RANBP17: variants seen among roughly 807,000 people sequenced by gnomAD.
The protein encoded by RANBP17 is ran-binding protein 17.
Under a neutral mutation model 141.2 loss-of-function variants are expected in RANBP17, and 158 were observed. That is an observed-to-expected ratio of 1.12 (90% CI 0.98 to 1.28). The LOEUF is 1.28. Among genes scored for constraint, RANBP17 ranks in the 50% most tolerant of loss-of-function variants. The probability of loss-of-function intolerance (pLI) is 0.00; values close to 1 mark genes in which losing one functional copy is unlikely to be tolerated. For missense variants in RANBP17, 1,438 were observed against 1,290.7 expected (o/e 1.11, Z -1.75); for synonymous variants, 430 against 450.0 (o/e 0.96, Z 0.56).
intron 25 of RANBP17, among the ~76,000 whole-genome samples, chr5:171,276,094 A>G (rs1312149806): frequency 6.6e-6 from 1 of 152,216 alleles, no homozygotes. Flanking sequence ...TACAGCTGGC[A>G]CCTGCTACTG....
intron 24 of RANBP17, among the ~76,000 whole-genome samples, chr5:171,262,461 TAATC>T (rs1046089083): frequency 5.9e-5 from 9 of 152,228 alleles, no homozygotes; most frequent in Non-Finnish European, 8.8e-5. Flanking sequence ...AGTTATTGAT[TAATC>T]AATCAAATGC....
chr5:170,921,909 G>T (rs1772497953), intron 11 of RANBP17, among the ~76,000 whole-genome samples: 1 of 152,176 alleles, frequency 6.6e-6, no homozygotes, highest in Non-Finnish European at 1.5e-5. Context: ...AGAAAGAGGT[G>T]CTCTGGTTTT....
intron 14 of RANBP17, among the ~76,000 whole-genome samples, chr5:171,020,130 G>C (rs943843650): frequency 6.6e-6 from 1 of 152,200 alleles, no homozygotes; most frequent in Non-Finnish European, 1.5e-5. Context: ...ACTGTGGCCT[G>C]AGAGACTGTT....
chr5:171,153,368 CT>C (rs892495267), intron 14 of RANBP17, among the ~76,000 whole-genome samples: 1 of 151,952 alleles, frequency 6.6e-6, no homozygotes, highest in African/African-American at 2.4e-5. Context: ...TAGTGGCACT[CT>C]TTTTTTTGTT....
At chr5:171,142,457 G>T (rs946055715) in intron 14 of RANBP17, among the ~76,000 whole-genome samples, 3 of 152,174 alleles carry the variant, frequency 2.0e-5, no homozygotes, top group Non-Finnish European at 4.4e-5. Context: ...GATACAGTCT[G>T]AACCAAGTGT....
chr5:171,190,340 A>G (rs537589747), intron 18 of RANBP17, among the ~76,000 whole-genome samples: 19 of 152,346 alleles, frequency 1.2e-4, no homozygotes, highest in African/African-American at 3.8e-4. Context: ...GTGGTTGGCA[A>G]TAAACAGTTG....
chr5:171,058,256 A>C (rs1451069588), intron 14 of RANBP17, among the ~76,000 whole-genome samples: 2 of 150,162 alleles, frequency 1.3e-5, no homozygotes, highest in Non-Finnish European at 3.0e-5. Flanking sequence ...GGTGTGCTGC[A>C]CCCATTAACT....
chr5:171,025,999 T>A (rs1040483749), intron 14 of RANBP17, among the ~76,000 whole-genome samples: 1 of 152,220 alleles, frequency 6.6e-6, no homozygotes, highest in Admixed American at 6.5e-5. Context: ...AGGCTTTGTG[T>A]CTGTGTTGTT....
rs1268895568 is a variant in RANBP17, at chr5:171,117,422, A to AT, written c.1711-52706dup. Among the ~76,000 whole-genome samples the AT allele has an allele frequency of 5.3e-5, 8 of 152,058 alleles. No individual in the cohort carries two copies. The South Asian group carries it at 1.7e-3, about 32-fold the overall frequency. ...ATTTGCATTTCCCTGATGATTAGTG[A>AT]TTAAATATGTTTGTTGGCCATTTCT... is the stretch of plus-strand genomic sequence containing the variant. On this transcript the variant is annotated intron_variant, in intron 14 of 27. Transcript: ENST00000523189.
At position 171,183,241 on chromosome 5, in the gene RANBP17, T is replaced by C. The variant is rs775440918; in HGVS notation, c.1929+11T>C. 1.9e-6 allele frequency: 3 copies of C among 1,594,664 alleles called. No individual in the cohort carries two copies. The highest frequency in any genetic ancestry group is 2.2e-5 in the South Asian group (2 of 90,612). On this transcript the variant is annotated intron_variant, in intron 17 of 27. Transcript: ENST00000523189. The stretch of plus-strand genomic sequence containing the variant: ...CTAAAAAACCACACGGTAAGTCTTA[T>C]TTCTTTAATTAATGAATAACATTTT...
intron 18 of RANBP17, among the ~76,000 whole-genome samples, chr5:171,186,599 C>CAT (rs1761271280): frequency 9.1e-6 from 1 of 109,776 alleles, no homozygotes; most frequent in South Asian, 3.5e-4. Context: ...TGCAGTGGTG[C>CAT]GATCTCGGCT....
Position 170,911,336 on chromosome 5 carries a change from G to A in RANBP17, c.760+202G>A, listed in dbSNP as rs1771509745. 2.4e-5 allele frequency: 14 copies of A among 577,112 alleles called. No homozygotes were observed. In the South Asian group the frequency reaches 3.0e-4, roughly 12 times the overall value. 35.7% of individuals were successfully genotyped at this position (577,112 alleles called of 1,614,324 possible). On this transcript the variant is annotated intron_variant, in intron 7 of 27. Transcript: ENST00000523189. ...TAGTAACTTCTATATTTTGATTTAGGAAAAAAGAAAAAACAAGGACTGCAC... is the reference window on the plus strand; with the variant it reads ...TAGTAACTTCTATATTTTGATTTAGAAAAAAAGAAAAAACAAGGACTGCAC...
chr5:170,866,591 C>T lies in RANBP17; in HGVS notation c.18+4540C>T, dbSNP rs375635846. Among the ~76,000 whole-genome samples, 64 of 151,926 alleles carry T rather than the reference C, an allele frequency of 4.2e-4. 1 individual carries two copies. The South Asian group carries it at 0.013, about 30-fold the overall frequency. On this transcript the variant is annotated intron_variant, in intron 1 of 27. Transcript: ENST00000523189. Reference sequence around the variant, plus strand: ...TTGGGAAGCTGAGGCAGAAGAATGGCGTTAACCCGGGAGGCGGAGCTTGCA... The same window carrying T: ...TTGGGAAGCTGAGGCAGAAGAATGGTGTTAACCCGGGAGGCGGAGCTTGCA...
At chr5:171,031,010 G>A (rs1166288962) in intron 14 of RANBP17, among the ~76,000 whole-genome samples, 1 of 151,782 alleles carries the variant, frequency 6.6e-6, no homozygotes, top group Non-Finnish European at 1.5e-5. Flanking sequence ...ACACATATGT[G>A]AACTTTAAAC....
At chr5:171,075,448 C>T (rs1784860479) in intron 14 of RANBP17, among the ~76,000 whole-genome samples, 2 of 152,072 alleles carry the variant, frequency 1.3e-5, no homozygotes, top group African/African-American at 2.4e-5. Flanking sequence ...CACAATAACC[C>T]ATGTGTTATA....
At chr5:171,229,105 T>C (rs542712610) in intron 22 of RANBP17, among the ~76,000 whole-genome samples, 1 of 152,260 alleles carries the variant, frequency 6.6e-6, no homozygotes, top group African/African-American at 2.4e-5. Flanking sequence ...AACTAGAGAG[T>C]TAATAAAATA....
Position 171,046,358 on chromosome 5 carries a change from T to C in RANBP17, c.1710+77981T>C, listed in dbSNP as rs146208783. ...CGAGTAGCTGGGACTACAGGCACGC[T>C]CCACCACGTCCAGCTAATTTTTTGT... On this transcript the variant is annotated intron_variant, in intron 14 of 27. Transcript: ENST00000523189. 9.6e-3 allele frequency among the ~76,000 whole-genome samples: 1,458 copies of C among 151,642 alleles called. 18 individuals carry two copies. The highest frequency in any genetic ancestry group is 0.033 in the African/African-American group (1,345 of 41,352).
At chr5:171,187,443 T>TAAAA (rs543248889) in intron 18 of RANBP17, among the ~76,000 whole-genome samples, 29 of 142,994 alleles carry the variant, frequency 2.0e-4, no homozygotes, top group African/African-American at 7.1e-4. Context: ...TTAATTTGTT[T>TAAAA]AAAAAAAAAA....
intron 16 of RANBP17, among the ~76,000 whole-genome samples, chr5:171,182,567 A>G (rs1760931600): frequency 6.6e-6 from 1 of 152,238 alleles, no homozygotes; most frequent in South Asian, 2.1e-4. Flanking sequence ...AATAAATAAT[A>G]CTTAACAGTG....
Sources: gnomAD v4.1 joint callset for allele counts (sites outside exome capture counted in the v4.1 genomes callset) on GRCh38, gnomAD v4.1.1 for gene constraint, MANE v1.5 for transcripts, NCBI Gene and HGNC (gene_info 2026-07-23, HGNC 2026-07-21) for gene names.